Variants in MARCHF1 observed in about 807,000 individuals in gnomAD.
MARCHF1 encodes the protein membrane associated ring-CH-type finger 1.
MARCHF1 carries 40 observed loss-of-function variants against 54.2 expected under a neutral mutation model. That is an observed-to-expected ratio of 0.74 (90% CI 0.57 to 0.96). The LOEUF (loss-of-function observed/expected upper bound fraction) is 0.96. MARCHF1 is among the 40% of genes least tolerant of loss of function. The pLI, the probability that MARCHF1 is intolerant of heterozygous loss-of-function variation, is 0.00. For missense variants in MARCHF1, 586 were observed against 656.5 expected (o/e 0.89, Z 1.17); for synonymous variants, 236 against 236.3 (o/e 1.00, Z 0.01).
At chr4:164,310,485 T>C (rs540218812) in intron 1 of MARCHF1, among the ~76,000 whole-genome samples, 1 of 151,852 alleles carries the variant, frequency 6.6e-6, no homozygotes, top group South Asian at 2.1e-4. Context: ...TTAGGAAAAA[T>C]GGTATTTGAG....
At chr4:164,159,215 C>A (rs145515670) in intron 1 of MARCHF1, among the ~76,000 whole-genome samples, 1 of 152,232 alleles carries the variant, frequency 6.6e-6, no homozygotes, top group African/African-American at 2.4e-5. Context: ...GATGCTAAAA[C>A]GTGCTAACTT....
Position 164,176,973 on chromosome 4 carries a change from T to C in MARCHF1, c.-322-65311A>G, listed in dbSNP as rs1469572272. ...CTCTCTCTCTCTCTCTCTCTCTCTCTCTCTCTCTATATATATATATATATA... is the reference window on the plus strand; with the variant it reads ...CTCTCTCTCTCTCTCTCTCTCTCTCCCTCTCTCTATATATATATATATATA... On this transcript the variant is annotated intron_variant, in intron 1 of 9. Transcript: ENST00000514618. Among the ~76,000 whole-genome samples, 5 of 17,836 alleles carry C rather than the reference T, an allele frequency of 2.8e-4. 1 individual carries two copies. The Admixed American group carries it at 2.9e-3, about 10-fold the overall frequency. The allele number at this position is 17,836 out of a possible 152,430, so 11.7% of individuals were successfully genotyped here.
intron 1 of MARCHF1, among the ~76,000 whole-genome samples, chr4:164,365,138 A>C (rs1730841329): frequency 6.6e-6 from 1 of 152,052 alleles, no homozygotes; most frequent in Non-Finnish European, 1.5e-5. Context: ...GACTGAATGC[A>C]ATCAGTGACA....
Position 163,869,574 on chromosome 4 carries a change from A to C in MARCHF1, c.-38-15405T>G, listed in dbSNP as rs112971653. Among the ~76,000 whole-genome samples the C allele has an allele frequency of 9.9e-3, 1,508 of 152,212 alleles. 10 individuals carry two copies. The highest frequency in any genetic ancestry group is 0.016 in the Non-Finnish European group (1,120 of 67,964). On this transcript the variant is annotated intron_variant, in intron 3 of 9. Transcript: ENST00000514618. ...ACAAATTATATGTTGCTACTGTTGAAAATTCTTTCTATATTATCTGTCAGA... is the reference window on the plus strand; with the variant it reads ...ACAAATTATATGTTGCTACTGTTGACAATTCTTTCTATATTATCTGTCAGA...
intron 1 of MARCHF1, among the ~76,000 whole-genome samples, chr4:164,357,236 C>T (rs1730584244): frequency 6.6e-6 from 1 of 152,004 alleles, no homozygotes; most frequent in African/African-American, 2.4e-5. Context: ...GACCAGGGCT[C>T]ATTCATTTTT....
chr4:164,188,895 C>G (rs1344351481), intron 1 of MARCHF1: 2 of 773,794 alleles, frequency 2.6e-6, no homozygotes, highest in African/African-American at 3.4e-5. Context: ...TTTACCTTAC[C>G]AGCCTATTTC....
chr4:164,105,229 T>G (rs1382573317), intron 2 of MARCHF1, among the ~76,000 whole-genome samples: 1 of 89,282 alleles, frequency 1.1e-5, no homozygotes, highest in East Asian at 2.4e-4. Flanking sequence ...CCCATCAAGC[T>G]ACCAATGACT....
At chr4:163,817,689 G>T (rs1188783463) in intron 4 of MARCHF1, among the ~76,000 whole-genome samples, 1 of 151,966 alleles carries the variant, frequency 6.6e-6, no homozygotes, top group Non-Finnish European at 1.5e-5. Flanking sequence ...CATAAATTAG[G>T]ATTTGATAGC....
At chr4:163,792,496 CTA>C (rs1199653741) in intron 4 of MARCHF1, among the ~76,000 whole-genome samples, 1 of 151,984 alleles carries the variant, frequency 6.6e-6, no homozygotes, top group Non-Finnish European at 1.5e-5. Flanking sequence ...ATTTAATATT[CTA>C]TATCTGTAAA....
chr4:164,248,228 A>G (rs979361530), intron 1 of MARCHF1, among the ~76,000 whole-genome samples: 3 of 152,060 alleles, frequency 2.0e-5, no homozygotes, highest in Non-Finnish European at 4.4e-5. Flanking sequence ...CGAGCTGGTT[A>G]TGTGGTTTCA....
At chr4:163,954,026 T>C (rs1752185327) in intron 3 of MARCHF1, among the ~76,000 whole-genome samples, 1 of 152,174 alleles carries the variant, frequency 6.6e-6, no homozygotes, top group Non-Finnish European at 1.5e-5. Flanking sequence ...ACTTTGGTTC[T>C]AATTTCCTGA....
intron 1 of MARCHF1, among the ~76,000 whole-genome samples, chr4:164,122,583 G>A (rs906924500): frequency 5.9e-5 from 9 of 151,960 alleles, no homozygotes; most frequent in Non-Finnish European, 1.3e-4. Flanking sequence ...ATCAGACACT[G>A]CTTCCTCAAA....
intron 1 of MARCHF1, among the ~76,000 whole-genome samples, chr4:164,341,904 A>G (rs1181710018): frequency 5.9e-5 from 9 of 152,256 alleles, no homozygotes; most frequent in African/African-American, 2.2e-4. Flanking sequence ...CAAAATCAAC[A>G]TTCAAAAAAT....
At chr4:164,254,958 C>A (rs557983531) in intron 1 of MARCHF1, among the ~76,000 whole-genome samples, 1 of 152,136 alleles carries the variant, frequency 6.6e-6, no homozygotes, top group Non-Finnish European at 1.5e-5. Context: ...TTAACCATCA[C>A]AATCTCAAAC....
intron 5 of MARCHF1, among the ~76,000 whole-genome samples, chr4:163,637,864 C>A (rs1413663477): frequency 6.6e-6 from 1 of 150,768 alleles, no homozygotes; most frequent in Admixed American, 6.6e-5. Flanking sequence ...CAATGATAGA[C>A]TGGATTAAGA....
In MARCHF1 at chr4:163,526,186, C is replaced by A. The variant is rs1738098030; in HGVS notation, c.*2562G>T. 6.6e-6 allele frequency: 1 copy of A among 151,988 alleles called. No homozygotes were observed. Among genetic ancestry groups the A allele is most frequent in the Non-Finnish European group, 1.5e-5 (1 of 67,948 alleles). The allele number at this position is 151,988 out of a possible 1,614,324, so 9.4% of individuals were successfully genotyped here. On this transcript the variant is annotated 3_prime_UTR_variant, in exon 10 of 10. Transcript: ENST00000514618. The stretch of plus-strand genomic sequence containing the variant: ...TTACTATTAATAGAATAATGCTTAC[C>A]TTTGCTTTTTATTCTAGAAATGTTT...
intron 4 of MARCHF1, among the ~76,000 whole-genome samples, chr4:163,731,058 A>C (rs899552265): frequency 3.9e-5 from 6 of 152,202 alleles, no homozygotes; most frequent in Non-Finnish European, 7.3e-5. Flanking sequence ...CTTAAGGATA[A>C]ACAATAGGAT....
At chr4:164,035,050 A>C (rs1312735674) in intron 2 of MARCHF1, among the ~76,000 whole-genome samples, 3 of 152,158 alleles carry the variant, frequency 2.0e-5, no homozygotes, top group Non-Finnish European at 4.4e-5. Flanking sequence ...TCAAAGAGAA[A>C]ATGCCTCTAA....
chr4:163,576,475 T>G lies in MARCHF1; in HGVS notation c.1191+9274A>C, dbSNP rs1221664789. Among the ~76,000 whole-genome samples the G allele has an allele frequency of 5.9e-5, 9 of 152,216 alleles. No homozygotes were observed. The East Asian group carries it at 1.7e-3, about 29-fold the overall frequency. On this transcript the variant is annotated intron_variant, in intron 8 of 9. Transcript: ENST00000514618. ...TTATGGCTCAGCATGTAGTTGATCT[T>G]AGAGTATGTTCTGTGTGTATATGAG...
Sources: gnomAD v4.1 joint callset for allele counts (sites outside exome capture counted in the v4.1 genomes callset) on GRCh38, gnomAD v4.1.1 for gene constraint, MANE v1.5 for transcripts, NCBI Gene and HGNC (gene_info 2026-07-23, HGNC 2026-07-21) for gene names.